C10orf71: variants seen among roughly 807,000 people sequenced by gnomAD.
C10orf71 encodes chromosome 10 open reading frame 71.
For synonymous variants in C10orf71, 758 were observed against 726.3 expected (o/e 1.04, Z -0.70); for missense variants, 1,869 against 1,804.5 (o/e 1.04, Z -0.65).
At position 49,325,321 on chromosome 10, in the gene C10orf71, C is replaced by T. The variant is rs796132086; in HGVS notation, c.2776C>T (p.Arg926Cys). Residue 926 changes from arginine to cysteine, a missense_variant, in exon 3 of 3, where the codon CGT (arginine) becomes TGT (cysteine). Physicochemically the swap from Arg to Cys is radical, Grantham distance 180. Coordinates refer to ENST00000374144, the MANE Select transcript of C10orf71 (RefSeq NM_001135196.2). ...TSTPTNTRGT[R>C]VKCMANEVME... The stretch of plus-strand genomic sequence containing the variant: ...GACACCCACTAACACACGGGGCACA[C>T]GTGTGAAGTGCATGGCCAACGAGGT... The T allele has an allele frequency of 7.9e-5, 122 of 1,551,626 alleles. No homozygotes were observed. In the Admixed American group the frequency reaches 2.1e-3, roughly 27 times the overall value.
At chr10:49,312,163 G>T (rs746081100) in intron 1 of C10orf71, among the ~76,000 whole-genome samples, 40 of 152,204 alleles carry the variant, frequency 2.6e-4, no homozygotes, top group Non-Finnish European at 5.1e-4. Context: ...ATCCTTGAGT[G>T]TAATTCTCAG....
At chr10:49,314,907 G>A (rs552006317) in intron 1 of C10orf71, among the ~76,000 whole-genome samples, 26 of 152,304 alleles carry the variant, frequency 1.7e-4, no homozygotes, top group African/African-American at 6.3e-4. Context: ...ACCACAAACA[G>A]TGACTGAGCT....
At chr10:49,307,293 G>A (rs1254338101) in intron 1 of C10orf71, among the ~76,000 whole-genome samples, 3 of 152,234 alleles carry the variant, frequency 2.0e-5, no homozygotes, top group Admixed American at 6.5e-5. Flanking sequence ...GGAGCATCTG[G>A]CTGCTGAGGC....
intron 1 of C10orf71, among the ~76,000 whole-genome samples, chr10:49,313,852 C>T (rs1489914239): frequency 2.0e-5 from 3 of 152,126 alleles, no homozygotes; most frequent in Non-Finnish European, 2.9e-5. Flanking sequence ...TGGGCGGAGG[C>T]GTGGACTGCA....
chr10:49,322,864 C>T lies in C10orf71; in HGVS notation c.319C>T (p.Gln107Ter), dbSNP rs1849122095. 1 of 1,613,966 alleles carries T rather than the reference C, an allele frequency of 6.2e-7. No homozygotes were observed. The highest frequency in any genetic ancestry group is 8.5e-7 in the Non-Finnish European group (1 of 1,179,874). ...CTTCCAACAGCTACCCAAGTACGTT[C>T]AGGGAGAGGAAAAGTACCCCAAAAC... ...ATFQQLPKYV[Q>*]GEEKYPKTSP... The change falls in exon 3 of 3, where the codon CAG (glutamine) becomes TAG (stop). Residue 107 changes from glutamine (Q) to a stop codon, truncating the protein, a stop_gained. Transcript: ENST00000374144. LOFTEE classifies it low-confidence loss of function (END_TRUNC).
At chr10:49,316,968 GT>G (rs1477600446) in intron 2 of C10orf71, among the ~76,000 whole-genome samples, 1 of 152,188 alleles carries the variant, frequency 6.6e-6, no homozygotes, top group African/African-American at 2.4e-5. Flanking sequence ...TAATACGAGG[GT>G]GTGTTTAATT....
At chr10:49,298,281 G>C (rs898457155), upstream of C10orf71, among the ~76,000 whole-genome samples, 4 of 152,230 alleles carry the variant, frequency 2.6e-5, no homozygotes, top group African/African-American at 9.6e-5. Flanking sequence ...GCGGGGGCCA[G>C]TCATCTCCGC....
chr10:49,305,231 T>G (rs1251902038), intron 1 of C10orf71, among the ~76,000 whole-genome samples: 2 of 152,074 alleles, frequency 1.3e-5, no homozygotes, highest in South Asian at 4.1e-4. Flanking sequence ...CAGGGGCAGG[T>G]GGGTCCCCAA....
At chr10:49,301,886 T>C (rs903829829) in intron 1 of C10orf71, among the ~76,000 whole-genome samples, 3 of 152,184 alleles carry the variant, frequency 2.0e-5, no homozygotes, top group African/African-American at 7.2e-5. Flanking sequence ...GGGCAGGCCT[T>C]CCTTGCGTCC....
intron 2 of C10orf71, among the ~76,000 whole-genome samples, chr10:49,321,141 A>T (rs1029820982): frequency 6.6e-6 from 1 of 152,058 alleles, no homozygotes; most frequent in Non-Finnish European, 1.5e-5. Context: ...AACTACAGAC[A>T]CCTGCTGTAC....
intron 1 of C10orf71, among the ~76,000 whole-genome samples, chr10:49,300,100 T>C (rs1041639244): frequency 2.6e-5 from 4 of 152,226 alleles, no homozygotes; most frequent in Non-Finnish European, 5.9e-5. Context: ...GAAAGCTAGA[T>C]AGCCTTAAGA....
chr10:49,300,407 A>C (rs374370057), intron 1 of C10orf71, among the ~76,000 whole-genome samples: 11 of 148,486 alleles, frequency 7.4e-5, no homozygotes, highest in African/African-American at 2.7e-4. Context: ...TTACAGAAAA[A>C]GTTTGCTGAC....
At position 49,326,283 on chromosome 10, in the gene C10orf71, C is replaced by G. The variant is rs747872895; in HGVS notation, c.3738C>G (p.Ser1246=). The change falls in exon 3 of 3, where the codon TCC becomes TCG. Residue 1246 remains serine (S), a synonymous_variant. Coordinates refer to ENST00000374144, the MANE Select transcript of C10orf71 (RefSeq NM_001135196.2). The stretch of plus-strand genomic sequence containing the variant: ...TGCCCCCTCCCGTGCACCGCCACTC[C>G]GTGTCCGGCTTCTCGGAGCCTGTCG... The part of the protein sequence containing the change: ...RSLPPPVHRH[S]VSGFSEPVGR... 2.6e-6 allele frequency: 4 copies of G among 1,550,046 alleles called. No homozygotes were observed. In the South Asian group the frequency reaches 3.6e-5, roughly 14 times the overall value.
chr10:49,306,153 T>C (rs1168302094), intron 1 of C10orf71, among the ~76,000 whole-genome samples: 1 of 152,266 alleles, frequency 6.6e-6, no homozygotes. Context: ...CAGGGCCTTC[T>C]GAACCTCCTT....
At chr10:49,314,683 T>C (rs1432762041) in intron 1 of C10orf71, among the ~76,000 whole-genome samples, 1 of 152,158 alleles carries the variant, frequency 6.6e-6, no homozygotes, top group Non-Finnish European at 1.5e-5. Flanking sequence ...TTCATCCTCA[T>C]CCCTAAGTCA....
chr10:49,303,488 T>G (rs1352432784), intron 1 of C10orf71, among the ~76,000 whole-genome samples: 1 of 152,152 alleles, frequency 6.6e-6, no homozygotes, highest in Non-Finnish European at 1.5e-5. Context: ...CAGATCAGCT[T>G]TCTCCAGGTG....
chr10:49,306,503 T>C (rs1174805186), intron 1 of C10orf71, among the ~76,000 whole-genome samples: 1 of 152,200 alleles, frequency 6.6e-6, no homozygotes, highest in Non-Finnish European at 1.5e-5. Flanking sequence ...AAGATGTTCC[T>C]AGGAAATGTG....
At chr10:49,308,375 T>C (rs1199689167) in intron 1 of C10orf71, among the ~76,000 whole-genome samples, 1 of 152,202 alleles carries the variant, frequency 6.6e-6, no homozygotes, top group Non-Finnish European at 1.5e-5. Context: ...CAGGGCACAG[T>C]GGCCTCAGAG....
At position 49,322,576 on chromosome 10, in the gene C10orf71, G is replaced by T; in HGVS notation, c.31G>T (p.Ala11Ser). Residue 11 changes from alanine to serine, a missense_variant, in exon 3 of 3, where the codon GCG becomes TCG. Ala to Ser is a moderately conservative substitution (Grantham distance 99). Transcript: ENST00000374144. The stretch of plus-strand genomic sequence containing the variant: ...GCAAGGAAATAAGAAGTGCACAGAC[G>T]CGTTCAGCGACTCCTCCAGCATCGG... Reference protein sequence around the residue: MMQGNKKCTDAFSDSSSIGSV... With the variant: MMQGNKKCTDSFSDSSSIGSV... 1 of 1,611,816 alleles carries T rather than the reference G, an allele frequency of 6.2e-7. No homozygotes were observed. Among genetic ancestry groups the T allele is most frequent in the Non-Finnish European group, 8.5e-7 (1 of 1,178,872 alleles).
Sources: gnomAD v4.1 joint callset for allele counts (sites outside exome capture counted in the v4.1 genomes callset) on GRCh38, gnomAD v4.1.1 for gene constraint, MANE v1.5 for transcripts, NCBI Gene and HGNC (gene_info 2026-07-23, HGNC 2026-07-21) for gene names.